PCSK2: variants seen among roughly 807,000 people sequenced by gnomAD.
PCSK2 encodes neuroendocrine convertase 2.
Under a neutral mutation model 69.7 loss-of-function variants are expected in PCSK2, and 14 were observed. The observed-to-expected ratio is 0.20, with a 90% confidence interval of 0.13 to 0.31. The LOEUF (loss-of-function observed/expected upper bound fraction) is 0.31. PCSK2 is among the 10% of genes least tolerant of loss of function. The probability of loss-of-function intolerance (pLI) is 1.00; values close to 1 mark genes in which losing one functional copy is unlikely to be tolerated. For synonymous variants in PCSK2, 307 were observed against 320.7 expected (o/e 0.96, Z 0.46); for missense variants, 544 against 842.5 (o/e 0.65, Z 4.39).
rs376820455 is a variant in PCSK2 at position 17,233,672 on chromosome 20, C to CTAAG, written c.177+6192_177+6195dup. On this transcript the variant is annotated intron_variant, in intron 1 of 11. Transcript: ENST00000262545. Reference sequence around the variant, plus strand: ...GCCATGGGAAACTCAGACATTTTATCTAAGTTTCTAATAGCTTTCCAACCC... The same window carrying CTAAG: ...GCCATGGGAAACTCAGACATTTTATCTAAGTAAGTTTCTAATAGCTTTCCAACCC... Among the ~76,000 whole-genome samples, 982 of 152,298 alleles carry CTAAG rather than the reference C, an allele frequency of 6.4e-3. 12 individuals are homozygous for CTAAG. The highest frequency in any genetic ancestry group is 0.022 in the African/African-American group (925 of 41,572).
rs745417644 is a variant in PCSK2 at position 17,479,300 on chromosome 20, G to A, written c.1431-2284G>A. The A allele has an allele frequency of 2.1e-4, 180 of 856,944 alleles. 1 individual carries two copies. Among genetic ancestry groups the A allele is most frequent in the Non-Finnish European group, 2.7e-4 (136 of 496,854 alleles). 53.1% of individuals were successfully genotyped at this position (856,944 alleles called of 1,614,324 possible). On this transcript the variant is annotated intron_variant, in intron 11 of 11. Coordinates refer to ENST00000262545, the MANE Select transcript of PCSK2 (RefSeq NM_002594.5). ...TTAACGATAATTCCACTATGCTTGC[G>A]GTCCACTGGTTGATGTTGTTGTAAT...
intron 2 of PCSK2, among the ~76,000 whole-genome samples, chr20:17,285,305 A>T (rs573279013): frequency 6.6e-6 from 1 of 152,228 alleles, no homozygotes; most frequent in Non-Finnish European, 1.5e-5. Context: ...GTTAACATCA[A>T]GTCATGTCAG....
chr20:17,437,581 G>A (rs749394056), intron 8 of PCSK2, among the ~76,000 whole-genome samples: 15 of 152,284 alleles, frequency 9.9e-5, no homozygotes, highest in Middle Eastern at 6.8e-3. Flanking sequence ...ACTTAGCCTC[G>A]CCTGTAAAAC....
chr20:17,421,650 C>T, intron 6 of PCSK2, among the ~76,000 whole-genome samples: 1 of 151,916 alleles, frequency 6.6e-6, no homozygotes, highest in East Asian at 1.9e-4. Flanking sequence ...ATGAACTTAG[C>T]CAAGTTGCAC....
intron 1 of PCSK2, among the ~76,000 whole-genome samples, chr20:17,255,244 C>T (rs970128517): frequency 6.6e-6 from 1 of 152,140 alleles, no homozygotes; most frequent in Admixed American, 6.5e-5. Flanking sequence ...TTGTTCTGGT[C>T]TTAAGAAAAT....
chr20:17,296,035 A>G (rs1263420998), intron 2 of PCSK2, among the ~76,000 whole-genome samples: 1 of 152,090 alleles, frequency 6.6e-6, no homozygotes, highest in East Asian at 1.9e-4. Flanking sequence ...TAGTTCCATA[A>G]CCTCAGAGGG....
intron 1 of PCSK2, among the ~76,000 whole-genome samples, chr20:17,238,822 T>G (rs117581821): frequency 6.6e-6 from 1 of 152,202 alleles, no homozygotes; most frequent in African/African-American, 2.4e-5. Flanking sequence ...CCAACAACCA[T>G]TGGGTTTACA....
chr20:17,305,382 A>G (rs1650567620), intron 2 of PCSK2, among the ~76,000 whole-genome samples: 1 of 152,182 alleles, frequency 6.6e-6, no homozygotes, highest in Admixed American at 6.5e-5. Flanking sequence ...ATGTTGGGAA[A>G]TGTTCTGATG....
At chr20:17,376,487 C>G (rs952323288) in intron 5 of PCSK2, among the ~76,000 whole-genome samples, 4 of 152,176 alleles carry the variant, frequency 2.6e-5, no homozygotes, top group African/African-American at 9.6e-5. Context: ...GCTTCTAGGC[C>G]TATCCTAGAC....
At chr20:17,297,420 T>C (rs2123079845) in intron 2 of PCSK2, among the ~76,000 whole-genome samples, 1 of 152,334 alleles carries the variant, frequency 6.6e-6, no homozygotes, top group Non-Finnish European at 1.5e-5. Flanking sequence ...GAGAGAGCTA[T>C]GCATCCTCGA....
chr20:17,374,756 A>G (rs1243190214), intron 5 of PCSK2, among the ~76,000 whole-genome samples: 1 of 152,150 alleles, frequency 6.6e-6, no homozygotes, highest in East Asian at 1.9e-4. Flanking sequence ...AGAGTTACCC[A>G]CAAACTCCTG....
chr20:17,317,176 C>T (rs941201773), intron 2 of PCSK2, among the ~76,000 whole-genome samples: 19 of 152,174 alleles, frequency 1.2e-4, no homozygotes, highest in Admixed American at 2.6e-4. Context: ...TGCATTAATT[C>T]TCTCTCAGTT....
intron 2 of PCSK2, among the ~76,000 whole-genome samples, chr20:17,289,862 T>C (rs990227301): frequency 1.3e-5 from 2 of 152,248 alleles, no homozygotes; most frequent in African/African-American, 4.8e-5. Flanking sequence ...TGGCCATTTC[T>C]AATTTTTTGT....
intron 1 of PCSK2, among the ~76,000 whole-genome samples, chr20:17,256,234 A>G (rs1592023): frequency 0.49 from 73,710 of 151,878 alleles, 18,064 homozygotes; most frequent in East Asian, 0.66. Context: ...TTATCTCTTT[A>G]TTGATATTCT....
intron 2 of PCSK2, among the ~76,000 whole-genome samples, chr20:17,296,410 A>T (rs1988894928): frequency 6.6e-6 from 1 of 152,218 alleles, no homozygotes; most frequent in Admixed American, 6.5e-5. Flanking sequence ...ATTAAATAAG[A>T]TGACCTTTTG....
At chr20:17,449,526 G>GTA in intron 8 of PCSK2, among the ~76,000 whole-genome samples, 23 of 130,690 alleles carry the variant, frequency 1.8e-4, no homozygotes, top group Non-Finnish European at 2.4e-4. Flanking sequence ...ATGTATGTAT[G>GTA]TATATATATA....
chr20:17,383,332 C>A (rs1476453931), intron 5 of PCSK2, among the ~76,000 whole-genome samples: 2 of 152,132 alleles, frequency 1.3e-5, no homozygotes, highest in Non-Finnish European at 2.9e-5. Flanking sequence ...GTCAGTGCCA[C>A]AAAGAAGACA....
intron 2 of PCSK2, among the ~76,000 whole-genome samples, chr20:17,330,197 T>G (rs1432703213): frequency 6.6e-6 from 1 of 152,150 alleles, no homozygotes; most frequent in Non-Finnish European, 1.5e-5. Flanking sequence ...ACTGCCAAGT[T>G]TCAAGTACTC....
In PCSK2 at chr20:17,481,707, A is replaced by G. The variant is rs1331964587; in HGVS notation, c.1554A>G (p.Arg518=). ...TCATCACGGTCAACGCAACCAGAAG[A>G]GGAGACCTGAACATCAACATGACTT... is the stretch of plus-strand genomic sequence containing the variant. ...QAVITVNATR[R]GDLNINMTSP... is the part of the protein sequence containing the mutation. The change falls in exon 12 of 12, where the codon AGA becomes AGG. Residue 518 remains arginine (R), a synonymous_variant. Coordinates refer to ENST00000262545, the MANE Select transcript of PCSK2 (RefSeq NM_002594.5). 2 of 1,614,168 alleles carry G rather than the reference A, an allele frequency of 1.2e-6. No individual in the cohort carries two copies. Among genetic ancestry groups the G allele is most frequent in the Non-Finnish European group, 1.7e-6 (2 of 1,180,018 alleles).
Sources: gnomAD v4.1 joint callset for allele counts (sites outside exome capture counted in the v4.1 genomes callset) on GRCh38, gnomAD v4.1.1 for gene constraint, MANE v1.5 for transcripts, NCBI Gene and HGNC (gene_info 2026-07-23, HGNC 2026-07-21) for gene names.